The following NALF1 variants were observed in gnomAD, a reference collection of about 807,000 sequenced individuals.
NALF1 encodes the protein family with sequence similarity 155 member A.
In NALF1, 3 loss-of-function variants were observed where a neutral mutation model predicts 48.4. The ratio of observed to expected loss-of-function variants is 0.06; its 90% CI spans 0.03 to 0.16. The LOEUF (loss-of-function observed/expected upper bound fraction) is 0.16, where lower values mean the gene tolerates loss of function less well. Ranked by LOEUF, NALF1 falls within the 10% of genes least tolerant of loss-of-function variation. The probability of loss-of-function intolerance (pLI) is 1.00; values close to 1 mark genes in which losing one functional copy is unlikely to be tolerated. For missense variants in NALF1, 526 were observed against 571.5 expected, an observed-to-expected ratio of 0.92 and a Z score of 0.81; for synonymous variants, 262 against 245.7, an observed-to-expected ratio of 1.07 and a Z score of -0.62.
intron 1 of NALF1, among the ~76,000 whole-genome samples, chr13:107,487,490 C>T (rs1885348189): frequency 6.6e-6 from 1 of 152,122 alleles, no homozygotes; most frequent in Admixed American, 6.5e-5. Context: ...CACAGTTATG[C>T]CATGCACAAG....
intron 1 of NALF1, among the ~76,000 whole-genome samples, chr13:107,343,924 T>G (rs534237948): frequency 7.9e-5 from 12 of 151,700 alleles, no homozygotes; most frequent in Non-Finnish European, 1.3e-4. Flanking sequence ...AGTTTTTTTT[T>G]GAAAAGATTA....
chr13:107,850,241 T>C (rs1880273510), intron 1 of NALF1, among the ~76,000 whole-genome samples: 1 of 152,190 alleles, frequency 6.6e-6, no homozygotes, highest in African/African-American at 2.4e-5. Context: ...CCCTCCAGCT[T>C]AGGCATAATT....
At chr13:107,469,452 G>T (rs1171093113) in intron 1 of NALF1, among the ~76,000 whole-genome samples, 3 of 152,232 alleles carry the variant, frequency 2.0e-5, no homozygotes, top group South Asian at 2.1e-4. Flanking sequence ...GGCCCTACGT[G>T]TCCATGGGGA....
intron 1 of NALF1, among the ~76,000 whole-genome samples, chr13:107,288,353 G>A (rs1240398550): frequency 2.0e-5 from 3 of 151,172 alleles, no homozygotes; most frequent in Non-Finnish European, 2.9e-5. Flanking sequence ...CCGAGTAGCT[G>A]GGATTACAGG....
rs368322506 is a variant in NALF1 at position 107,362,532 on chromosome 13, G to C, written c.916-151777C>G. On this transcript the variant is annotated intron_variant, in intron 1 of 2. Coordinates refer to ENST00000375915, the MANE Select transcript of NALF1 (RefSeq NM_001080396.3). The surrounding 1 kb of genome is among the most constrained non-coding windows in gnomAD (Gnocchi z 4.6). ...ACTTGGCATTCTCCTGTGTGTCCTC[G>C]TCGCGGGGCATTCTCCTCTCCTTAT... Among the ~76,000 whole-genome samples, 2 of 152,164 alleles carry C rather than the reference G, an allele frequency of 1.3e-5. No homozygotes were observed. The highest frequency in any genetic ancestry group is 3.4e-3 in the Middle Eastern group (1 of 294).
chr13:107,742,257 T>C (rs1229624729), intron 1 of NALF1, among the ~76,000 whole-genome samples: 1 of 152,218 alleles, frequency 6.6e-6, no homozygotes, highest in Admixed American at 6.5e-5. Context: ...AGAGGTCTCA[T>C]CTAAAACATC....
At chr13:107,302,853 C>CACACACACAG (rs1044758263) in intron 1 of NALF1, among the ~76,000 whole-genome samples, 1 of 152,100 alleles carries the variant, frequency 6.6e-6, no homozygotes, top group African/African-American at 2.4e-5. Context: ...CTCTCTCACA[C>CACACACACAG]ACACACACAG....
intron 2 of NALF1, among the ~76,000 whole-genome samples, chr13:107,184,549 T>C (rs9301195): frequency 0.033 from 5,023 of 152,276 alleles, 126 homozygotes; most frequent in Middle Eastern, 0.065. Flanking sequence ...GTGTATAACA[T>C]ATTTGCATGT....
chr13:107,657,188 A>C (rs751707233), intron 1 of NALF1, among the ~76,000 whole-genome samples: 1 of 152,042 alleles, frequency 6.6e-6, no homozygotes, highest in Non-Finnish European at 1.5e-5. Flanking sequence ...AAAATTAAAC[A>C]AAAATTTAAG....
intron 1 of NALF1, among the ~76,000 whole-genome samples, chr13:107,834,494 A>C (rs1202765515): frequency 6.6e-6 from 1 of 152,244 alleles, no homozygotes; most frequent in Non-Finnish European, 1.5e-5. Context: ...GAGAGTAGTC[A>C]TCAGAGTACT....
chr13:107,350,871 A>G (rs1882860594), intron 1 of NALF1, among the ~76,000 whole-genome samples: 1 of 152,202 alleles, frequency 6.6e-6, no homozygotes, highest in Non-Finnish European at 1.5e-5. Context: ...TAAGAAGATC[A>G]CAAGTGACAT....
At position 107,598,203 on chromosome 13, in the gene NALF1, A is replaced by G. The variant is rs1878811350; in HGVS notation, c.915+267479T>C. ...TACACACAACACTAATTTGTCATAG[A>G]TGTGTGATTTCCTTTCTATTTAACT... On this transcript the variant is annotated intron_variant, in intron 1 of 2. Transcript: ENST00000375915. Among the ~76,000 whole-genome samples the G allele has an allele frequency of 2.6e-5, 4 of 152,124 alleles. No homozygotes were observed. In the South Asian group the frequency reaches 8.3e-4, roughly 31 times the overall value.
intron 1 of NALF1, among the ~76,000 whole-genome samples, chr13:107,729,595 G>A (rs1876251507): frequency 6.6e-6 from 1 of 151,964 alleles, no homozygotes; most frequent in African/African-American, 2.4e-5. Flanking sequence ...TCCTGCCTTG[G>A]CCTCCTGAGT....
intron 1 of NALF1, among the ~76,000 whole-genome samples, chr13:107,246,116 C>A (rs1174582664): frequency 6.6e-6 from 1 of 152,080 alleles, no homozygotes; most frequent in African/African-American, 2.4e-5. Flanking sequence ...TTTGCATATT[C>A]TTCATCTGTG....
chr13:107,452,477 C>T (rs144695558), intron 1 of NALF1, among the ~76,000 whole-genome samples: 1 of 152,270 alleles, frequency 6.6e-6, no homozygotes, highest in African/African-American at 2.4e-5. Context: ...CATCAGATCT[C>T]ATGAGAACTC....
intron 1 of NALF1, among the ~76,000 whole-genome samples, chr13:107,518,557 T>G (rs545654089): frequency 6.6e-6 from 1 of 152,290 alleles, no homozygotes; most frequent in East Asian, 1.9e-4. Context: ...TCAGTCAATT[T>G]TCTAAGTGCT....
At position 107,362,225 on chromosome 13, in the gene NALF1, G is replaced by C. The variant is rs1210728337; in HGVS notation, c.916-151470C>G. Among the ~76,000 whole-genome samples, 1 of 152,156 alleles carries C rather than the reference G, an allele frequency of 6.6e-6. No individual in the cohort carries two copies. The highest frequency in any genetic ancestry group is 1.9e-4 in the East Asian group (1 of 5,186). On this transcript the variant is annotated intron_variant, in intron 1 of 2. Transcript: ENST00000375915. The surrounding 1 kb of genome is among the most constrained non-coding windows in gnomAD (Gnocchi z 4.6). ...TGGGGAAAAACGGGGTCAGGTGACA[G>C]CTTTATGATATTCATGTAAACAGGA...
chr13:107,293,349 G>A (rs575679743), intron 1 of NALF1, among the ~76,000 whole-genome samples: 165 of 152,124 alleles, frequency 1.1e-3, no homozygotes, highest in African/African-American at 3.6e-3. Flanking sequence ...GTTGTTAGGC[G>A]GTGCGTGACT....
intron 1 of NALF1, among the ~76,000 whole-genome samples, chr13:107,736,504 ATACT>A (rs1231968555): frequency 6.6e-6 from 1 of 152,156 alleles, no homozygotes; most frequent in East Asian, 1.9e-4. Context: ...TGTGCTTAAA[ATACT>A]TAGTTATGAA....
Sources: gnomAD v4.1 joint callset for allele counts (sites outside exome capture counted in the v4.1 genomes callset) on GRCh38, gnomAD v4.1.1 for gene constraint, Gnocchi (gnomAD v3.1) non-coding constraint, MANE v1.5 for transcripts, NCBI Gene and HGNC (gene_info 2026-07-23, HGNC 2026-07-21) for gene names.